Variants in JAKMIP2 observed in about 807,000 individuals in gnomAD.
JAKMIP2 encodes the protein janus kinase and microtubule-interacting protein 2.
JAKMIP2 carries 25 observed loss-of-function variants against 115.0 expected under a neutral mutation model. That is an observed-to-expected ratio of 0.22 (90% CI 0.16 to 0.30). The LOEUF (loss-of-function observed/expected upper bound fraction) is 0.30, where lower values mean the gene tolerates loss of function less well. Ranked by LOEUF, JAKMIP2 falls within the 10% of genes least tolerant of loss-of-function variation. The pLI is 1.00. For missense variants in JAKMIP2, 642 were observed against 957.6 expected (o/e 0.67, Z 4.35); for synonymous variants, 334 against 343.6 (o/e 0.97, Z 0.31).
chr5:147,751,348 T>C lies in JAKMIP2; in HGVS notation c.-149+31108A>G, dbSNP rs192311198. Among the ~76,000 whole-genome samples the C allele has an allele frequency of 1.6e-3, 244 of 150,092 alleles. 3 individuals carry two copies. The highest frequency in any genetic ancestry group is 5.6e-3 in the African/African-American group (229 of 40,866). ...CTCCTGACCTCGTGATCCGCCCTCCTCCGCCTCCCAACGTGCTGGGATTTC... is the reference window on the plus strand; with the variant it reads ...CTCCTGACCTCGTGATCCGCCCTCCCCCGCCTCCCAACGTGCTGGGATTTC... On this transcript the variant is annotated intron_variant, in intron 1 of 21. Transcript: ENST00000616793.
At chr5:147,735,116 T>G (rs1051710769) in intron 1 of JAKMIP2, among the ~76,000 whole-genome samples, 19 of 152,148 alleles carry the variant, frequency 1.2e-4, no homozygotes, top group Admixed American at 1.2e-3. Flanking sequence ...TCTATTTCTA[T>G]TTGTTTCTCT....
chr5:147,691,165 A>T (rs1478317504), intron 1 of JAKMIP2, among the ~76,000 whole-genome samples: 1 of 152,120 alleles, frequency 6.6e-6, no homozygotes, highest in East Asian at 1.9e-4. Context: ...CAAGCATTGC[A>T]TAAGATTGTA....
intron 20 of JAKMIP2, among the ~76,000 whole-genome samples, chr5:147,608,691 T>G (rs982468485): frequency 2.0e-5 from 3 of 152,290 alleles, no homozygotes; most frequent in Middle Eastern, 3.4e-3. Context: ...CTATTAGGTC[T>G]GCTTGGTCCA....
At chr5:147,635,441 A>ATCT (rs1561505298) in intron 12 of JAKMIP2, among the ~76,000 whole-genome samples, 3 of 152,218 alleles carry the variant, frequency 2.0e-5, no homozygotes, top group Non-Finnish European at 4.4e-5. Context: ...CTCAAGCTTA[A>ATCT]TAAAAAGACT....
intron 1 of JAKMIP2, among the ~76,000 whole-genome samples, chr5:147,716,532 C>A (rs1403393292): frequency 2.6e-5 from 4 of 151,974 alleles, no homozygotes; most frequent in Non-Finnish European, 5.9e-5. Context: ...TTAATGATTG[C>A]CATTCTAACT....
At chr5:147,620,505 G>C (rs571787799) in intron 18 of JAKMIP2, among the ~76,000 whole-genome samples, 161 bp downstream of exon 18, 10 of 152,204 alleles carry the variant, frequency 6.6e-5, no homozygotes, top group Admixed American at 5.9e-4. Flanking sequence ...TAAAGAGCTA[G>C]GAATGTATTT....
At chr5:147,758,331 A>G (rs1754818301) in intron 1 of JAKMIP2, among the ~76,000 whole-genome samples, 1 of 152,188 alleles carries the variant, frequency 6.6e-6, no homozygotes, top group Non-Finnish European at 1.5e-5. Flanking sequence ...ATGCAAATGA[A>G]GGCTAATTTT....
At chr5:147,707,203 G>C (rs1752612572) in intron 1 of JAKMIP2, among the ~76,000 whole-genome samples, 1 of 152,134 alleles carries the variant, frequency 6.6e-6, no homozygotes, top group Non-Finnish European at 1.5e-5. Context: ...TGTTAGATGT[G>C]CAACCAGTAT....
chr5:147,778,121 C>G (rs1017623258), intron 1 of JAKMIP2, among the ~76,000 whole-genome samples: 6 of 151,942 alleles, frequency 3.9e-5, no homozygotes, highest in Non-Finnish European at 5.9e-5. Flanking sequence ...GGTCACCTCC[C>G]AACCTCTATG....
At chr5:147,641,820 T>TC in intron 7 of JAKMIP2, 56 bp from the exon 8 acceptor site, 1 of 1,402,500 alleles carries the variant, frequency 7.1e-7, no homozygotes, top group South Asian at 1.2e-5. Context: ...TTCTTTATAG[T>TC]TTTTTGCAAA....
intron 1 of JAKMIP2, among the ~76,000 whole-genome samples, chr5:147,764,518 C>T (rs957627969): frequency 6.6e-6 from 1 of 151,648 alleles, no homozygotes; most frequent in Non-Finnish European, 1.5e-5. Flanking sequence ...GGAGCAAAGA[C>T]ACAAAAAATG....
chr5:147,746,064 G>C (rs1040024421), intron 1 of JAKMIP2, among the ~76,000 whole-genome samples: 3 of 152,186 alleles, frequency 2.0e-5, no homozygotes, highest in Admixed American at 1.3e-4. Flanking sequence ...ATTCTGGGAA[G>C]ATGAGATCAA....
chr5:147,648,611 T>C, intron 4 of JAKMIP2, 137 bp from the exon 5 acceptor site: 1 of 607,680 alleles, frequency 1.6e-6, no homozygotes, highest in South Asian at 2.1e-5. Context: ...TATTCTTTTA[T>C]CCAAAGAGTA....
intron 1 of JAKMIP2, among the ~76,000 whole-genome samples, chr5:147,763,838 T>C (rs1334723388): frequency 1.3e-5 from 2 of 151,898 alleles, no homozygotes; most frequent in East Asian, 3.9e-4. Context: ...TAATCAAGAG[T>C]TGGTTATATT....
At chr5:147,650,635 C>A (rs1581354998) in intron 3 of JAKMIP2, 88 bp from the exon 4 acceptor site, 1 of 967,834 alleles carries the variant, frequency 1.0e-6, no homozygotes. Context: ...CTTCTTTTAT[C>A]TGATTGATAC....
chr5:147,651,479 A>C (rs1461515084), intron 3 of JAKMIP2, among the ~76,000 whole-genome samples: 1 of 152,208 alleles, frequency 6.6e-6, no homozygotes, highest in Non-Finnish European at 1.5e-5. Context: ...TCGTTTCACT[A>C]TATTCTATGT....
chr5:147,774,652 A>G (rs1023129800), intron 1 of JAKMIP2, among the ~76,000 whole-genome samples: 1 of 152,150 alleles, frequency 6.6e-6, no homozygotes, highest in Non-Finnish European at 1.5e-5. Flanking sequence ...TGAGTAGGTT[A>G]AGGGCCTTAA....
At chr5:147,630,040 G>C (rs1303705640) in intron 14 of JAKMIP2, among the ~76,000 whole-genome samples, 1 of 152,040 alleles carries the variant, frequency 6.6e-6, no homozygotes, top group African/African-American at 2.4e-5. Flanking sequence ...AAAGAGTCTA[G>C]CATGTAGTAA....
intron 1 of JAKMIP2, among the ~76,000 whole-genome samples, chr5:147,710,601 T>C (rs1456176283): frequency 1.3e-5 from 2 of 152,192 alleles, no homozygotes; most frequent in Non-Finnish European, 2.9e-5. Flanking sequence ...TATCTCCTTC[T>C]CAGGGTTGTT....
Sources: allele counts gnomAD v4.1 joint callset (sites outside exome capture counted in the v4.1 genomes callset), GRCh38; gene constraint gnomAD v4.1.1; transcripts MANE v1.5; gene names NCBI Gene and HGNC (gene_info 2026-07-23, HGNC 2026-07-21).